The following FBXO17 variants were observed in gnomAD, a reference collection of about 807,000 sequenced individuals.
FBXO17 encodes the protein F-box only protein 17.
A neutral mutation model predicts 34.1 loss-of-function variants in FBXO17; 43 were observed. That is an observed-to-expected ratio of 1.26 (90% confidence interval 0.99 to 1.62). The LOEUF (loss-of-function observed/expected upper bound fraction) is 1.62, where lower values mean the gene tolerates loss of function less well. Among genes scored for constraint, FBXO17 ranks in the 40% most tolerant of loss-of-function variants. FBXO17 has a pLI of 0.00. For synonymous variants in FBXO17, 169 were observed against 166.0 expected, an observed-to-expected ratio of 1.02 and a Z score of -0.14; for missense variants, 424 against 386.7, an observed-to-expected ratio of 1.10 and a Z score of -0.81.
chr19:38,973,348 C>G (rs2144848477), intron 1 of FBXO17, among the ~76,000 whole-genome samples: 1 of 152,234 alleles, frequency 6.6e-6, no homozygotes, highest in African/African-American at 2.4e-5. Context: ...GCACTCCAGC[C>G]TGGGCGACAG....
At chr19:38,956,580 A>G (rs1176050034) in intron 1 of FBXO17, among the ~76,000 whole-genome samples, 3 of 152,090 alleles carry the variant, frequency 2.0e-5, no homozygotes, top group Admixed American at 1.3e-4. Flanking sequence ...AAAATGTCAC[A>G]GCTAAAATAG....
intron 1 of FBXO17, among the ~76,000 whole-genome samples, chr19:38,954,578 GTTTT>G (rs1026579584): frequency 1.1e-5 from 1 of 93,524 alleles, no homozygotes. Flanking sequence ...CCGAGAATGT[GTTTT>G]TTTTTTTTTT....
intron 1 of FBXO17, among the ~76,000 whole-genome samples, chr19:38,955,878 C>T (rs954176090): frequency 9.9e-5 from 15 of 152,068 alleles, no homozygotes; most frequent in Admixed American, 7.2e-4. Context: ...GGGCTGCTAA[C>T]GGTGCCTCCA....
intron 4 of FBXO17, 114 bp from the exon 5 acceptor site, chr19:38,945,218 A>C (rs1268476653): frequency 1.0e-5 from 14 of 1,366,290 alleles, no homozygotes; most frequent in Non-Finnish European, 1.4e-5. Flanking sequence ...CATCTGGACC[A>C]CATTTGGAGA....
At chr19:38,961,915 G>A (rs901019843) in intron 1 of FBXO17, among the ~76,000 whole-genome samples, 2 of 151,802 alleles carry the variant, frequency 1.3e-5, no homozygotes, top group African/African-American at 4.8e-5. Context: ...CGCCTGCGTC[G>A]GCCTCCCAAA....
chr19:38,954,583 T>G lies in FBXO17; in HGVS notation c.-17-4247A>C, dbSNP rs1191097767. 3.4e-5 allele frequency among the ~76,000 whole-genome samples: 5 copies of G among 145,966 alleles called. No individual in the cohort carries two copies. The East Asian group carries it at 6.1e-4, about 18-fold the overall frequency. On this transcript the variant is annotated intron_variant, in intron 1 of 5. Coordinates refer to ENST00000292852, the MANE Select transcript of FBXO17 (RefSeq NM_024907.7). ...CTGCGCCGGGCCGAGAATGTGTTTT[T>G]TTTTTTTTTTTTTGAGACAGAGTTT... is the stretch of plus-strand genomic sequence containing the variant.
At chr19:38,969,894 G>A (rs1338362400) in intron 1 of FBXO17, among the ~76,000 whole-genome samples, 1 of 151,874 alleles carries the variant, frequency 6.6e-6, no homozygotes, top group Admixed American at 6.6e-5. Context: ...CATTGTGCCT[G>A]GCCCACTGGA....
chr19:38,947,584 C>G (rs931017644), intron 3 of FBXO17, among the ~76,000 whole-genome samples: 1 of 152,062 alleles, frequency 6.6e-6, no homozygotes, highest in East Asian at 1.9e-4. Context: ...GAGACTCTAT[C>G]TCAAAAAACA....
intron 1 of FBXO17, among the ~76,000 whole-genome samples, chr19:38,951,990 G>GC (rs978115833): frequency 6.6e-6 from 1 of 150,650 alleles, no homozygotes; most frequent in African/African-American, 2.4e-5. Flanking sequence ...TTACTCTGTT[G>GC]CCCAGGCTGG....
chr19:38,958,515 A>AT (rs776442992), intron 1 of FBXO17, among the ~76,000 whole-genome samples: 2 of 152,014 alleles, frequency 1.3e-5, no homozygotes, highest in African/African-American at 2.4e-5. Context: ...CTTCTGGCCA[A>AT]TTTTGGGAAA....
rs938537181 is a variant in FBXO17, at chr19:38,975,251, G to T, written c.-18+335C>A. Among the ~76,000 whole-genome samples the T allele has an allele frequency of 2.6e-5, 4 of 152,232 alleles. No individual in the cohort carries two copies. Among genetic ancestry groups the T allele is most frequent in the African/African-American group, 9.6e-5 (4 of 41,462 alleles). On this transcript the variant is annotated intron_variant, in intron 1 of 5. Transcript: ENST00000292852. This position sits in a 1 kb window ranked among gnomAD's most constrained non-coding sequence, Gnocchi z 4.9. ...CTTCCCCGGGCTGTTGCGCCCACGTGTTGGTTTGCAGCGTTTGGCAGGGGT... is the reference window on the plus strand; with the variant it reads ...CTTCCCCGGGCTGTTGCGCCCACGTTTTGGTTTGCAGCGTTTGGCAGGGGT...
chr19:38,945,153 C>G, intron 4 of FBXO17, 49 bp from the exon 5 acceptor site: 1 of 1,608,702 alleles, frequency 6.2e-7, no homozygotes, highest in Non-Finnish European at 8.5e-7. Flanking sequence ...AGCCAGCTCT[C>G]TGGGTTTCGG....
At chr19:38,959,384 T>A (rs557430632) in intron 1 of FBXO17, among the ~76,000 whole-genome samples, 38 of 151,172 alleles carry the variant, frequency 2.5e-4, no homozygotes, top group African/African-American at 7.0e-4. Flanking sequence ...ATTCAAGCAA[T>A]TGTCCTGCCT....
Position 38,942,739 on chromosome 19 carries a change from AGACGTGGGAGACCTGCAGGGGGAAG to A in FBXO17, c.694-13_705del, listed in dbSNP as rs1974910787. 4 of 1,605,710 alleles carry A rather than the reference AGACGTGGGAGACCTGCAGGGGGAAG, an allele frequency of 2.5e-6. No homozygotes were observed. The highest frequency in any genetic ancestry group is 3.4e-6 in the Non-Finnish European group (4 of 1,176,730). Reference sequence around the variant, plus strand: ...CGGATGCCCTTGCCAAAGTTGGTGAAGACGTGGGAGACCTGCAGGGGGAAGGGGAGTGAGAGGGTGAGGGCCTGCG... The same window carrying A: ...CGGATGCCCTTGCCAAAGTTGGTGAAGGGAGTGAGAGGGTGAGGGCCTGCG... On this transcript the variant is annotated splice_acceptor_variant and splice_polypyrimidine_tract_variant and coding_sequence_variant and intron_variant, in exon 6 of 6. Coordinates refer to ENST00000292852, the MANE Select transcript of FBXO17 (RefSeq NM_024907.7). LOFTEE classifies it high-confidence loss of function.
intron 4 of FBXO17, 76 bp downstream of exon 4, chr19:38,946,396 C>T (rs541964927): frequency 1.2e-4 from 185 of 1,597,852 alleles, no homozygotes; most frequent in South Asian, 4.7e-4. Context: ...GTTGATGGGG[C>T]GGGAAATGAG....
At chr19:38,952,645 G>A (rs1282029290) in intron 1 of FBXO17, 44 of 533,812 alleles carry the variant, frequency 8.2e-5, no homozygotes, top group South Asian at 5.6e-4. Flanking sequence ...CTGGGCTCAC[G>A]GCCGCTCCCG....
At chr19:38,949,180 T>C (rs1352554834) in intron 2 of FBXO17, among the ~76,000 whole-genome samples, 12 of 151,960 alleles carry the variant, frequency 7.9e-5, no homozygotes, top group Admixed American at 7.9e-4. Context: ...CAGCCCACTG[T>C]AACCTCCGCC....
At chr19:38,960,530 AC>A (rs56165538) in intron 1 of FBXO17, among the ~76,000 whole-genome samples, 24,315 of 151,862 alleles carry the variant, frequency 0.16, 2,427 homozygotes, top group African/African-American at 0.28. Context: ...TTTTTTTGAG[AC>A]AGAGTCTCGC....
At chr19:38,957,599 C>T (rs572343123) in intron 1 of FBXO17, among the ~76,000 whole-genome samples, 1 of 152,276 alleles carries the variant, frequency 6.6e-6, no homozygotes, top group African/African-American at 2.4e-5. Context: ...CCGCCTAGGC[C>T]TCCCAAAGTG....
Sources: allele counts gnomAD v4.1 joint callset (sites outside exome capture counted in the v4.1 genomes callset), GRCh38; gene constraint gnomAD v4.1.1; non-coding constraint Gnocchi (gnomAD v3.1); transcripts MANE v1.5; gene names NCBI Gene and HGNC (gene_info 2026-07-23, HGNC 2026-07-21).